VPS13B: variants seen among roughly 807,000 people sequenced by gnomAD.
VPS13B encodes vacuolar protein sorting 13 homolog B.
A neutral mutation model predicts 426.4 loss-of-function variants in VPS13B; 285 were observed. That is an observed-to-expected ratio of 0.67 (90% confidence interval 0.61 to 0.74). The LOEUF (loss-of-function observed/expected upper bound fraction) is 0.74. VPS13B is among the 30% of genes least tolerant of loss of function. The pLI is 0.00. For synonymous variants in VPS13B, 1,676 were observed against 1,676.4 expected (o/e 1.00, Z 0.01); for missense variants, 4,537 against 4,782.6 (o/e 0.95, Z 1.51).
intron 12 of VPS13B, among the ~76,000 whole-genome samples, chr8:99,141,680 G>A (rs1810428398): frequency 1.3e-5 from 2 of 151,930 alleles, no homozygotes; most frequent in Non-Finnish European, 2.9e-5. Flanking sequence ...ATTTTTACTT[G>A]TATTATATAG....
intron 17 of VPS13B, among the ~76,000 whole-genome samples, chr8:99,266,587 T>C (rs1233577420): frequency 2.6e-5 from 4 of 152,084 alleles, no homozygotes; most frequent in Admixed American, 1.3e-4. Context: ...GGGAGATACC[T>C]GGTGGGAGGT....
intron 16 of VPS13B, among the ~76,000 whole-genome samples, chr8:99,183,143 A>G (rs1813034454): frequency 6.6e-6 from 1 of 152,180 alleles, no homozygotes; most frequent in East Asian, 1.9e-4. Context: ...GAATGAACTC[A>G]TGGTTTTTAA....
chr8:99,698,803 TAAG>T (rs1235687868), intron 35 of VPS13B, among the ~76,000 whole-genome samples: 3 of 152,116 alleles, frequency 2.0e-5, no homozygotes, highest in African/African-American at 4.8e-5. Flanking sequence ...TTAGGTGAAA[TAAG>T]AAGGTTAAAA....
chr8:99,538,912 T>G (rs140010730), intron 30 of VPS13B, among the ~76,000 whole-genome samples: 34 of 152,342 alleles, frequency 2.2e-4, no homozygotes, highest in African/African-American at 8.2e-4. Context: ...ATTGATTTCT[T>G]GTAAACATTT....
intron 5 of VPS13B, among the ~76,000 whole-genome samples, chr8:99,109,895 T>C (rs1847271956): frequency 6.6e-6 from 1 of 152,110 alleles, no homozygotes; most frequent in Non-Finnish European, 1.5e-5. Context: ...TAATAGCAAA[T>C]ACTCAGAAAA....
At chr8:99,595,211 A>C (rs546385757) in intron 33 of VPS13B, among the ~76,000 whole-genome samples, 118 of 151,996 alleles carry the variant, frequency 7.8e-4, no homozygotes, top group Non-Finnish European at 1.4e-3. Context: ...TTAAACTTTC[A>C]TTAATATAAA....
chr8:99,617,689 T>C (rs1011587891), intron 33 of VPS13B, among the ~76,000 whole-genome samples: 6 of 152,212 alleles, frequency 3.9e-5, no homozygotes, highest in Non-Finnish European at 7.4e-5. Flanking sequence ...TTGGACAGAA[T>C]TAAGTGTAAC....
At chr8:99,720,817 A>G in intron 38 of VPS13B, 46 bp from the exon 39 acceptor site, 1 of 1,541,274 alleles carries the variant, frequency 6.5e-7, no homozygotes. Context: ...CCCCTTTGTC[A>G]TGTTCCCCTT....
chr8:99,625,123 A>G (rs943263338), intron 33 of VPS13B, among the ~76,000 whole-genome samples: 3 of 152,126 alleles, frequency 2.0e-5, no homozygotes, highest in African/African-American at 7.2e-5. Flanking sequence ...CACAAACAGA[A>G]AAGGCTGGGA....
intron 19 of VPS13B, among the ~76,000 whole-genome samples, chr8:99,284,475 T>G (rs1819328744): frequency 6.6e-6 from 1 of 152,206 alleles, no homozygotes. Flanking sequence ...ATGAATGATA[T>G]AAAGGCTTAT....
In VPS13B at chr8:99,609,258, C is replaced by G. The variant is rs544616752; in HGVS notation, c.5220+31625C>G. ...GAAAATATTTGTTTAGTTAGTTATG[C>G]AGATCTTCCAAAAGTTTATACATTT... On this transcript the variant is annotated intron_variant, in intron 33 of 61. Transcript: ENST00000357162. Among the ~76,000 whole-genome samples, 5 of 152,190 alleles carry G rather than the reference C, an allele frequency of 3.3e-5. No homozygotes were observed. In the East Asian group the frequency reaches 9.6e-4, roughly 29 times the overall value.
chr8:99,805,107 T>A (rs1417255246), intron 43 of VPS13B, among the ~76,000 whole-genome samples: 2 of 151,030 alleles, frequency 1.3e-5, no homozygotes, highest in African/African-American at 2.4e-5. Context: ...TCACTTGGAT[T>A]GCATGTTAAT....
intron 19 of VPS13B, among the ~76,000 whole-genome samples, chr8:99,329,870 G>A (rs925678354): frequency 3.3e-5 from 5 of 151,900 alleles, no homozygotes; most frequent in Admixed American, 2.0e-4. Flanking sequence ...TGACAATGGC[G>A]TGAAGGACAT....
At chr8:99,620,512 A>G (rs1264318550) in intron 33 of VPS13B, among the ~76,000 whole-genome samples, 1 of 152,186 alleles carries the variant, frequency 6.6e-6, no homozygotes, top group Non-Finnish European at 1.5e-5. Context: ...AAAGCTGTGC[A>G]TAGAAGGAGA....
chr8:99,029,670 G>T (rs1292320844), intron 2 of VPS13B, among the ~76,000 whole-genome samples: 1 of 151,958 alleles, frequency 6.6e-6, no homozygotes, highest in Non-Finnish European at 1.5e-5. Context: ...CAGGCACTCG[G>T]CAGGCTGAGG....
At chr8:99,174,138 T>C (rs1249020653) in intron 16 of VPS13B, among the ~76,000 whole-genome samples, 1 of 152,196 alleles carries the variant, frequency 6.6e-6, no homozygotes, top group Non-Finnish European at 1.5e-5. Flanking sequence ...TTGCAGCATG[T>C]AGCAGAATTT....
chr8:99,463,825 T>A (rs1397719383), intron 23 of VPS13B, among the ~76,000 whole-genome samples: 1 of 152,152 alleles, frequency 6.6e-6, no homozygotes, highest in Non-Finnish European at 1.5e-5. Context: ...CCCAAGTAGC[T>A]GGGATTACAG....
At chr8:99,567,926 A>G (rs567347145) in intron 31 of VPS13B, among the ~76,000 whole-genome samples, 33 of 152,314 alleles carry the variant, frequency 2.2e-4, no homozygotes, top group African/African-American at 7.7e-4. Flanking sequence ...ACTGGGTAAT[A>G]TAATAAGAGT....
At chr8:99,680,523 C>G (rs1004169885) in intron 35 of VPS13B, among the ~76,000 whole-genome samples, 1 of 152,126 alleles carries the variant, frequency 6.6e-6, no homozygotes, top group African/African-American at 2.4e-5. Context: ...TTCCTGGTAG[C>G]TGTTCAGAAA....
Sources: gnomAD v4.1 joint callset for allele counts (sites outside exome capture counted in the v4.1 genomes callset) on GRCh38, gnomAD v4.1.1 for gene constraint, MANE v1.5 for transcripts, NCBI Gene and HGNC (gene_info 2026-07-23, HGNC 2026-07-21) for gene names.